Variants in GPATCH2L observed in about 807,000 individuals in gnomAD.
GPATCH2L encodes the protein G-patch domain containing 2 like, also known as G patch domain-containing protein 2-like.
A neutral mutation model predicts 57.4 loss-of-function variants in GPATCH2L; 31 were observed. That is an observed-to-expected ratio of 0.54 (90% CI 0.41 to 0.73). GPATCH2L has a LOEUF of 0.73. GPATCH2L is among the 30% of genes least tolerant of loss of function. The pLI, the probability that GPATCH2L is intolerant of heterozygous loss-of-function variation, is 0.00. For missense variants in GPATCH2L, 481 were observed against 599.9 expected (o/e 0.80, Z 2.07); for synonymous variants, 199 against 210.7 (o/e 0.94, Z 0.48).
chr14:76,176,859 T>G (rs927559063), intron 6 of GPATCH2L, among the ~76,000 whole-genome samples, 169 bp downstream of exon 6: 3 of 152,188 alleles, frequency 2.0e-5, no homozygotes, highest in Non-Finnish European at 4.4e-5. Context: ...GTGGCAGTGA[T>G]TTTCTTTTCC....
intron 2 of GPATCH2L, among the ~76,000 whole-genome samples, chr14:76,232,087 T>C (rs1408383738): frequency 1.0e-4 from 1 of 9,526 alleles, no homozygotes; most frequent in African/African-American, 1.8e-4. Context: ...AATTTTTGTA[T>C]TTTTTGTAGC....
chr14:76,216,522 T>C (rs1030358090), downstream of GPATCH2L, among the ~76,000 whole-genome samples: 1 of 151,398 alleles, frequency 6.6e-6, no homozygotes, highest in African/African-American at 2.5e-5. Flanking sequence ...CTAGGGAAAA[T>C]AATTTCTCAA....
At chr14:76,197,450 A>G (rs71429941) in intron 9 of GPATCH2L, among the ~76,000 whole-genome samples, 2 of 152,134 alleles carry the variant, frequency 1.3e-5, no homozygotes. Flanking sequence ...TGGGTATTAA[A>G]CAAGACTTGA....
At chr14:76,163,099 G>A (rs2038672096) in intron 2 of GPATCH2L, among the ~76,000 whole-genome samples, 1 of 152,208 alleles carries the variant, frequency 6.6e-6, no homozygotes. Context: ...TGCACCATCT[G>A]TGTTGTAGTG....
At chr14:76,184,617 G>A (rs546440271) in intron 8 of GPATCH2L, among the ~76,000 whole-genome samples, 10 of 152,244 alleles carry the variant, frequency 6.6e-5, no homozygotes, top group African/African-American at 1.2e-4. Context: ...TTGATGTAGC[G>A]TTATAATACA....
At chr14:76,174,873 G>C (rs1447927901) in intron 5 of GPATCH2L, 3 of 152,104 alleles carry the variant, frequency 2.0e-5, no homozygotes, top group Non-Finnish European at 4.4e-5. Flanking sequence ...GACCTCAGGT[G>C]ATCCACCCGC....
intron 3 of GPATCH2L, chr14:76,170,598 T>C (rs1479442202): frequency 6.6e-6 from 1 of 152,176 alleles, no homozygotes; most frequent in African/African-American, 2.4e-5. Flanking sequence ...TTTTCCGCAG[T>C]AGCTTGGATT....
At chr14:76,156,108 A>T (rs1164261566) in intron 2 of GPATCH2L, among the ~76,000 whole-genome samples, 1 of 152,214 alleles carries the variant, frequency 6.6e-6, no homozygotes, top group Non-Finnish European at 1.5e-5. Flanking sequence ...AGTTGAGGTT[A>T]TAAGAGCTTA....
At chr14:76,158,612 T>C (rs1202557741) in intron 2 of GPATCH2L, among the ~76,000 whole-genome samples, 1 of 152,206 alleles carries the variant, frequency 6.6e-6, no homozygotes, top group Non-Finnish European at 1.5e-5. Context: ...AGTAGCCTCC[T>C]TTGCAAGTGG....
intron 2 of GPATCH2L, 64 bp downstream of exon 2, chr14:76,155,089 G>A: frequency 7.7e-7 from 1 of 1,301,684 alleles, no homozygotes; most frequent in East Asian, 2.4e-5. Context: ...GCACATCCAT[G>A]GTCTTAGTGG....
rs1164032036 is a variant in GPATCH2L, at chr14:76,201,782, G to A, written c.1380G>A (p.Glu460=). ...GGTTGGTGAGGACCTCTGCAGCAGA[G>A]AAAGCCACAGACGCAACTACTGCTA... ...SEWLVRTSAA[E]KATDATTATF... is the part of the protein sequence containing the mutation. Residue 460 remains glutamate, a synonymous_variant, in exon 10 of 10, where the codon GAG becomes GAA. Transcript: ENST00000261530. 1.2e-6 allele frequency: 2 copies of A among 1,613,914 alleles called. No homozygotes were observed. The highest frequency in any genetic ancestry group is 1.7e-5 in the Admixed American group (1 of 60,000).
At chr14:76,233,793 T>G (rs1271313203) in intron 2 of GPATCH2L, among the ~76,000 whole-genome samples, 1 of 152,196 alleles carries the variant, frequency 6.6e-6, no homozygotes, top group African/African-American at 2.4e-5. Context: ...ATAATAGGGT[T>G]TTTTTACATT....
chr14:76,231,235 CT>C (rs1225809925), intron 2 of GPATCH2L, among the ~76,000 whole-genome samples: 1 of 152,210 alleles, frequency 6.6e-6, no homozygotes, highest in African/African-American at 2.4e-5. Context: ...GAAGCCCTCA[CT>C]GTTGGTACTG....
At chr14:76,217,240 T>A (rs1198064538), downstream of GPATCH2L, among the ~76,000 whole-genome samples, 1 of 152,146 alleles carries the variant, frequency 6.6e-6, no homozygotes, top group African/African-American at 2.4e-5. Flanking sequence ...CTTTAAAGTG[T>A]TCAATAACAA....
intron 2 of GPATCH2L, among the ~76,000 whole-genome samples, chr14:76,158,340 A>G (rs2038408484): frequency 6.6e-6 from 1 of 152,096 alleles, no homozygotes; most frequent in Admixed American, 6.5e-5. Context: ...TTGTTTTCTT[A>G]TTTTTATAGA....
In GPATCH2L at chr14:76,210,346, GTGTC is replaced by G. The variant is rs1446956224; in HGVS notation, c.*8499_*8502del. ...TCAGATTCAAGTCTGATGTTAAAGA[GTGTC>G]TGTTCCCAATCAATACCTCTGCTGC... On this transcript the variant is annotated 3_prime_UTR_variant, in exon 10 of 10. Coordinates refer to ENST00000261530, the MANE Select transcript of GPATCH2L (RefSeq NM_017926.4). 6.6e-6 allele frequency: 1 copy of G among 152,186 alleles called. No individual in the cohort carries two copies. Among genetic ancestry groups the G allele is most frequent in the East Asian group, 1.9e-4 (1 of 5,198 alleles). 9.4% of individuals were successfully genotyped at this position (152,186 alleles called of 1,614,324 possible). A position where few individuals can be genotyped will look rare whatever the true frequency, so the allele number is the denominator to read the frequency against.
chr14:76,160,685 GA>G (rs1309593977), intron 2 of GPATCH2L, among the ~76,000 whole-genome samples: 1 of 152,098 alleles, frequency 6.6e-6, no homozygotes, highest in Non-Finnish European at 1.5e-5. Context: ...ACTAAGGAAA[GA>G]AAAATCTTAA....
At chr14:76,178,688 C>T (rs182491827) in intron 7 of GPATCH2L, 1 of 153,026 alleles carries the variant, frequency 6.5e-6, no homozygotes, top group South Asian at 2.0e-4. Context: ...AGGGTTTGCA[C>T]TCCTATAAGA....
rs201159686 is a variant in GPATCH2L, at chr14:76,154,576, G to T, written c.213G>T (p.Glu71Asp). The change falls in exon 2 of 10, where the codon GAG becomes GAT. Residue 71 changes from glutamate (E) to aspartate (D), a missense_variant. Physicochemically the swap from Glu to Asp is conservative, Grantham distance 45. This residue lies in a region of GPATCH2L where 208 missense variants were observed against 272.4 expected (regional missense o/e 0.76). Transcript: ENST00000261530. The surrounding 1 kb of genome is among the most constrained non-coding windows in gnomAD (Gnocchi z 4.4). Reference protein sequence around the residue: ...YSEASESSLDEATKDCREVAP... With the variant: ...YSEASESSLDDATKDCREVAP... Reference sequence around the variant, plus strand: ...AGGCCTCTGAGTCAAGTCTGGATGAGGCCACTAAGGACTGTCGAGAAGTGG... The same window carrying T: ...AGGCCTCTGAGTCAAGTCTGGATGATGCCACTAAGGACTGTCGAGAAGTGG... 1 of 1,614,176 alleles carries T rather than the reference G, an allele frequency of 6.2e-7. No homozygotes were observed. Among genetic ancestry groups the T allele is most frequent in the Non-Finnish European group, 8.5e-7 (1 of 1,180,008 alleles).
Sources: gnomAD v4.1 joint callset for allele counts (sites outside exome capture counted in the v4.1 genomes callset) on GRCh38, gnomAD v4.1.1 for gene constraint, gnomAD v4.1.1 regional missense constraint, Gnocchi (gnomAD v3.1) non-coding constraint, MANE v1.5 for transcripts, NCBI Gene and HGNC (gene_info 2026-07-23, HGNC 2026-07-21) for gene names.